Variants in LNX1 observed in about 807,000 individuals in gnomAD.
LNX1 encodes ligand of numb-protein X 1.
Under a neutral mutation model 68.4 loss-of-function variants are expected in LNX1, and 54 were observed. The observed-to-expected ratio is 0.79, with a 90% confidence interval of 0.63 to 0.99. LNX1 has a LOEUF of 0.99. LNX1 is among the 50% of genes least tolerant of loss of function. LNX1 has a pLI of 0.00. For synonymous variants in LNX1, 336 were observed against 350.0 expected, an observed-to-expected ratio of 0.96 and a Z score of 0.45; for missense variants, 906 against 926.4, an observed-to-expected ratio of 0.98 and a Z score of 0.29.
At chr4:53,571,931 G>T (rs2109774936) in intron 2 of LNX1, among the ~76,000 whole-genome samples, 2 of 152,286 alleles carry the variant, frequency 1.3e-5, no homozygotes, top group South Asian at 4.2e-4. Flanking sequence ...AAAATGCTGG[G>T]ATTACAGGTG....
intron 1 of LNX1, among the ~76,000 whole-genome samples, chr4:53,633,679 AAGGCCATTAAAAATGGATT>A (rs1028779206): frequency 1.3e-5 from 2 of 152,194 alleles, no homozygotes; most frequent in Admixed American, 1.3e-4. Context: ...GATGAAAATA[AAGGCCATTAAAAATGGATT>A]AGGCTAGTGT....
rs1196132391 is a variant in LNX1, at chr4:53,573,972, C to CCTGTGTCCTG, written c.30_31insCAGGACACAG (p.Glu11GlnfsTer30). Reference sequence around the variant, plus strand: ...TGGCCACACACTGCACACAGGGGTTCAGGATCGTTGGCAGACTCTGGCTGG... The same window carrying CCTGTGTCCTG: ...TGGCCACACACTGCACACAGGGGTTCCTGTGTCCTGAGGATCGTTGGCAGACTCTGGCTGG... On this transcript the variant is annotated frameshift_variant, in exon 2 of 11. Coordinates refer to ENST00000263925, the MANE Select transcript of LNX1 (RefSeq NM_001126328.3). LOFTEE classifies it high-confidence loss of function. The CCTGTGTCCTG allele has an allele frequency of 4.3e-6, 7 of 1,613,002 alleles. No homozygotes were observed. Among genetic ancestry groups the CCTGTGTCCTG allele is most frequent in the Non-Finnish European group, 5.9e-6 (7 of 1,179,422 alleles).
At chr4:53,594,311 A>G (rs73250974), upstream of LNX1, among the ~76,000 whole-genome samples, 97 of 152,234 alleles carry the variant, frequency 6.4e-4, no homozygotes, top group Non-Finnish European at 9.4e-4. Flanking sequence ...GGGACCCCTC[A>G]AGAATGACCA....
At chr4:53,507,665 C>T (rs1465110668) in intron 3 of LNX1, among the ~76,000 whole-genome samples, 196 bp from the exon 4 acceptor site, 1 of 152,080 alleles carries the variant, frequency 6.6e-6, no homozygotes, top group Non-Finnish European at 1.5e-5. Flanking sequence ...TCCTGCTTTT[C>T]TTTTTTGTTT....
chr4:53,519,771 A>G (rs1727075473), intron 2 of LNX1, among the ~76,000 whole-genome samples: 3 of 152,110 alleles, frequency 2.0e-5, no homozygotes, highest in African/African-American at 7.2e-5. Flanking sequence ...ACCTCATGAG[A>G]TGGGCAGGAT....
intron 2 of LNX1, among the ~76,000 whole-genome samples, chr4:53,561,716 G>A (rs912164638): frequency 1.3e-5 from 2 of 152,190 alleles, no homozygotes; most frequent in South Asian, 2.1e-4. Context: ...CTTCAGCCAC[G>A]TATGTCTTGG....
At chr4:53,464,497 T>C (rs1722507769) in intron 9 of LNX1, among the ~76,000 whole-genome samples, 2 of 151,860 alleles carry the variant, frequency 1.3e-5, no homozygotes, top group South Asian at 4.1e-4. Context: ...AAAAGATGTT[T>C]ATGGGAGATT....
chr4:53,482,953 T>C (rs1724044186), intron 6 of LNX1, among the ~76,000 whole-genome samples: 1 of 152,228 alleles, frequency 6.6e-6, no homozygotes. Context: ...GCTATGTACA[T>C]TGATATTTGG....
chr4:53,478,688 G>A lies in LNX1; in HGVS notation c.1540C>T (p.Pro514Ser), dbSNP rs141236658. The change falls in exon 8 of 11, where the codon CCC becomes TCC. Residue 514 changes from proline (P) to serine (S), a missense_variant. By Grantham distance (74) the Pro-to-Ser change is moderately conservative. Coordinates refer to ENST00000263925, the MANE Select transcript of LNX1 (RefSeq NM_001126328.3). ...ACGGTCATGCCGAGAGATTCACCGGGGTCTTTTTGGATATTTACCACCTTC... is the reference window on the plus strand; with the variant it reads ...ACGGTCATGCCGAGAGATTCACCGGAGTCTTTTTGGATATTTACCACCTTC... Reference protein sequence around the residue: ...HEKVVNIQKDPGESLGMTVAG... With the variant: ...HEKVVNIQKDSGESLGMTVAG... 5.5e-4 allele frequency: 883 copies of A among 1,613,964 alleles called. 1 individual carries two copies. The highest frequency in any genetic ancestry group is 6.6e-4 in the Non-Finnish European group (778 of 1,179,960).
At chr4:53,638,797 C>T (rs1050541414) in intron 1 of LNX1, among the ~76,000 whole-genome samples, 1 of 152,112 alleles carries the variant, frequency 6.6e-6, no homozygotes, top group Non-Finnish European at 1.5e-5. Context: ...AAATAAGGTG[C>T]CCCAGTCAGA....
chr4:53,640,660 A>G (rs1440059505), intron 1 of LNX1, among the ~76,000 whole-genome samples: 2 of 152,208 alleles, frequency 1.3e-5, no homozygotes, highest in Admixed American at 6.5e-5. Flanking sequence ...GTTTAGGGGA[A>G]TTGTTGTCAA....
At chr4:53,496,687 T>G in intron 5 of LNX1, 1 of 318,440 alleles carries the variant, frequency 3.1e-6, no homozygotes, top group Non-Finnish European at 5.7e-6. Context: ...CTGTTGTCAT[T>G]ATTTTTTAGC....
intron 6 of LNX1, among the ~76,000 whole-genome samples, chr4:53,486,669 T>C (rs1406957469): frequency 6.6e-6 from 1 of 152,078 alleles, no homozygotes; most frequent in South Asian, 2.1e-4. Context: ...GCTGAGGAAA[T>C]AGGAACCATC....
chr4:53,487,078 G>A (rs1390782243), intron 6 of LNX1, among the ~76,000 whole-genome samples: 1 of 152,068 alleles, frequency 6.6e-6, no homozygotes, highest in Non-Finnish European at 1.5e-5. Flanking sequence ...ATCCACTATG[G>A]CTGATGAAAA....
intron 1 of LNX1, among the ~76,000 whole-genome samples, chr4:53,624,123 C>G (rs528141509): frequency 3.3e-4 from 51 of 152,290 alleles, no homozygotes; most frequent in African/African-American, 1.1e-3. Context: ...GTTTCCTCTA[C>G]TCATCACCTA....
chr4:53,578,615 A>G (rs1206562881), intron 1 of LNX1, among the ~76,000 whole-genome samples: 1 of 152,204 alleles, frequency 6.6e-6, no homozygotes, highest in Non-Finnish European at 1.5e-5. Flanking sequence ...AGATTCCTTG[A>G]TTTCACTGAG....
intron 1 of LNX1, among the ~76,000 whole-genome samples, chr4:53,635,737 A>T (rs913789887): frequency 1.3e-5 from 2 of 152,216 alleles, no homozygotes; most frequent in African/African-American, 4.8e-5. Context: ...ACAAAATATT[A>T]GCCTATAATC....
At chr4:53,510,481 A>G (rs1416937045) in intron 2 of LNX1, among the ~76,000 whole-genome samples, 1 of 152,212 alleles carries the variant, frequency 6.6e-6, no homozygotes, top group Non-Finnish European at 1.5e-5. Context: ...GCTTGTCCTC[A>G]GCTGGAAGAG....
At chr4:53,652,075 TA>T (rs1316657471) in intron 1 of LNX1, 3 of 124,262 alleles carry the variant, frequency 2.4e-5, no homozygotes, top group African/African-American at 5.8e-5. Flanking sequence ...GAGAAAGAGA[TA>T]GGGGTGAGAG....
Sources: allele counts gnomAD v4.1 joint callset (sites outside exome capture counted in the v4.1 genomes callset), GRCh38; gene constraint gnomAD v4.1.1; transcripts MANE v1.5; gene names NCBI Gene and HGNC (gene_info 2026-07-23, HGNC 2026-07-21).